The following RBM26 variants were observed in gnomAD, a reference collection of about 807,000 sequenced individuals.
RBM26 encodes RNA binding motif protein 26, also known as RNA-binding protein 26.
Under a neutral mutation model 123.6 loss-of-function variants are expected in RBM26, and 30 were observed. That is an observed-to-expected ratio of 0.24 (90% CI 0.18 to 0.33). The LOEUF is 0.33. RBM26 is among the 10% of genes least tolerant of loss of function. The pLI, the probability that RBM26 is intolerant of heterozygous loss-of-function variation, is 1.00. For synonymous variants in RBM26, 400 were observed against 404.4 expected (o/e 0.99, Z 0.13); for missense variants, 947 against 1,203.6 (o/e 0.79, Z 3.15).
intron 15 of RBM26, 81 bp downstream of exon 15, chr13:79,344,588 C>T: frequency 1.6e-6 from 2 of 1,245,936 alleles, no homozygotes; most frequent in South Asian, 2.7e-5. Context: ...TCTTATTTTG[C>T]AATAAGCACT....
chr13:79,380,694 C>T (rs2077007662), intron 1 of RBM26, among the ~76,000 whole-genome samples: 1 of 152,004 alleles, frequency 6.6e-6, no homozygotes, highest in South Asian at 2.1e-4. Context: ...ACTGTAGTTA[C>T]CCTACAGTGT....
chr13:79,345,657 A>T lies in RBM26; in HGVS notation c.2059-863T>A, dbSNP rs553558144. Among the ~76,000 whole-genome samples the T allele has an allele frequency of 3.9e-5, 6 of 152,232 alleles. No homozygotes were observed. The East Asian group carries it at 1.2e-3, about 29-fold the overall frequency. ...CTATAAAATAAAGAAGATGAACATG[A>T]TGGTGTCTAAAGTCCTTACAAACCC... On this transcript the variant is annotated intron_variant, in intron 14 of 21. Coordinates refer to ENST00000438737, the MANE Select transcript of RBM26 (RefSeq NM_001366735.2).
At chr13:79,365,099 C>T (rs1035078197) in intron 9 of RBM26, among the ~76,000 whole-genome samples, 1 of 151,908 alleles carries the variant, frequency 6.6e-6, no homozygotes, top group Admixed American at 6.6e-5. Flanking sequence ...TACAGAATTA[C>T]ACAGTATATT....
At chr13:79,391,616 G>C (rs1365738689) in intron 1 of RBM26, among the ~76,000 whole-genome samples, 1 of 151,916 alleles carries the variant, frequency 6.6e-6, no homozygotes, top group Non-Finnish European at 1.5e-5. Flanking sequence ...TAGAGACATG[G>C]TTTCACCATG....
At chr13:79,373,391 A>G (rs1275929933) in intron 3 of RBM26, among the ~76,000 whole-genome samples, 2 of 90,770 alleles carry the variant, frequency 2.2e-5, no homozygotes, top group African/African-American at 9.0e-5. Flanking sequence ...ATATAAATAT[A>G]TATAATATAT....
In RBM26 at chr13:79,334,408, C is replaced by T. The variant is rs1423266771; in HGVS notation, c.2756G>A (p.Cys919Tyr). 2 of 1,563,420 alleles carry T rather than the reference C, an allele frequency of 1.3e-6. No individual in the cohort carries two copies. The highest frequency in any genetic ancestry group is 1.7e-6 in the Non-Finnish European group (2 of 1,152,284). Residue 919 changes from cysteine (C) to tyrosine (Y), a missense_variant, in exon 20 of 22, where the codon TGT (cysteine) becomes TAT (tyrosine). Cys to Tyr is a radical substitution (Grantham distance 194). Around this residue, in one of 5 missense-constraint regions of RBM26, gnomAD observed 164 missense variants for 215.3 expected, o/e 0.76. Coordinates refer to ENST00000438737, the MANE Select transcript of RBM26 (RefSeq NM_001366735.2). ...HFAQYGEIED[C>Y]QIDDSSLHAV... Reference sequence around the variant, plus strand: ...ATGAAGTGAGGAATCATCAATCTGACAATCTTCAATTTCACCATATTGCTT... The same window carrying T: ...ATGAAGTGAGGAATCATCAATCTGATAATCTTCAATTTCACCATATTGCTT...
chr13:79,318,826 T>G, downstream of RBM26: 1 of 982,184 alleles, frequency 1.0e-6, no homozygotes. Context: ...AATACCTGTT[T>G]GGTGTAAAGA....
intron 1 of RBM26, among the ~76,000 whole-genome samples, chr13:79,381,711 T>C (rs758760253): frequency 8.5e-5 from 13 of 152,064 alleles, no homozygotes; most frequent in Admixed American, 2.0e-4. Flanking sequence ...TTTATAATTA[T>C]TATGGTCTAT....
chr13:79,386,591 T>TACAAAAAA (rs2077507345), intron 1 of RBM26, among the ~76,000 whole-genome samples: 1 of 92,832 alleles, frequency 1.1e-5, no homozygotes, highest in Non-Finnish European at 1.9e-5. Context: ...ACTCTCTCTT[T>TACAAAAAA]AAAAAAAAAA....
At position 79,355,206 on chromosome 13, in the gene RBM26, A is replaced by G. The variant is rs770488094; in HGVS notation, c.1854+14T>C. ...TAAGAAATGCGCGTACTTTTACACA[A>G]ATTCCTCTCTTACCTTTGGAGAAGT... On this transcript the variant is annotated intron_variant, in intron 12 of 21. Coordinates refer to ENST00000438737, the MANE Select transcript of RBM26 (RefSeq NM_001366735.2). The G allele has an allele frequency of 1.2e-6, 2 of 1,611,784 alleles. No individual in the cohort carries two copies. Among genetic ancestry groups the G allele is most frequent in the African/African-American group, 2.7e-5 (2 of 74,806 alleles).
intron 20 of RBM26, among the ~76,000 whole-genome samples, chr13:79,332,844 C>A (rs966919889): frequency 2.0e-5 from 3 of 152,044 alleles, no homozygotes; most frequent in South Asian, 2.1e-4. Context: ...TTTCCGCGAG[C>A]AAAATTTCCA....
In RBM26 at chr13:79,330,715, CATAT is replaced by C. The variant is rs1593988818; in HGVS notation, c.2820+3625_2820+3628del. On this transcript the variant is annotated intron_variant, in intron 20 of 21. Transcript: ENST00000438737. ...AAAGCACGAGTTATGAACACAAATA[CATAT>C]AATTATATAATATATATGACCACAC... Among the ~76,000 whole-genome samples, 7 of 152,182 alleles carry C rather than the reference CATAT, an allele frequency of 4.6e-5. No homozygotes were observed. In the East Asian group the frequency reaches 1.4e-3, roughly 29 times the overall value.
At chr13:79,353,542 C>A (rs960064478) in intron 13 of RBM26, among the ~76,000 whole-genome samples, 4 of 152,160 alleles carry the variant, frequency 2.6e-5, no homozygotes, top group Non-Finnish European at 4.4e-5. Flanking sequence ...TATATGCCCA[C>A]TTACTGAGCT....
intron 14 of RBM26, among the ~76,000 whole-genome samples, chr13:79,346,435 G>C (rs2072340225): frequency 6.6e-6 from 1 of 152,050 alleles, no homozygotes; most frequent in African/African-American, 2.4e-5. Flanking sequence ...CTGGAGCATA[G>C]TGGCCCAGAT....
chr13:79,334,795 T>A (rs1413789108), intron 19 of RBM26, among the ~76,000 whole-genome samples: 1 of 152,058 alleles, frequency 6.6e-6, no homozygotes, highest in Non-Finnish European at 1.5e-5. Flanking sequence ...ACATACTGAA[T>A]CCTCAGAATT....
At chr13:79,331,416 C>G (rs546548111) in intron 20 of RBM26, among the ~76,000 whole-genome samples, 22 of 147,074 alleles carry the variant, frequency 1.5e-4, no homozygotes, top group African/African-American at 4.5e-4. Context: ...GTCAGGAGAT[C>G]GAGACCATCC....
intron 9 of RBM26, among the ~76,000 whole-genome samples, chr13:79,362,699 T>C (rs1359672328): frequency 1.3e-5 from 2 of 152,194 alleles, no homozygotes; most frequent in East Asian, 3.8e-4. Context: ...CTGTGACCTA[T>C]CCAACATCTT....
chr13:79,390,177 T>G (rs930410905), intron 1 of RBM26, among the ~76,000 whole-genome samples: 1 of 152,174 alleles, frequency 6.6e-6, no homozygotes, highest in Non-Finnish European at 1.5e-5. Flanking sequence ...TTTTAATTAG[T>G]AAGACTTAAG....
Position 79,354,520 on chromosome 13 carries a change from T to A in RBM26, c.1905A>T (p.Ser635=), listed in dbSNP as rs988255496. The A allele has an allele frequency of 1.2e-6, 2 of 1,609,124 alleles. No individual in the cohort carries two copies. Among genetic ancestry groups the A allele is most frequent in the African/African-American group, 1.3e-5 (1 of 74,874 alleles). The part of the protein sequence containing the change: ...QQPILPVVKQ[S]VKERLGPVPS... ...GTACTGGACCCAGCCGCTCTTTGACTGACTGCTTCACAACAGGCAAAATGG... is the reference window on the plus strand; with the variant it reads ...GTACTGGACCCAGCCGCTCTTTGACAGACTGCTTCACAACAGGCAAAATGG... The change falls in exon 13 of 22, where the codon TCA becomes TCT. Residue 635 remains serine (S), a synonymous_variant. Transcript: ENST00000438737.
Sources: gnomAD v4.1 joint callset for allele counts (sites outside exome capture counted in the v4.1 genomes callset) on GRCh38, gnomAD v4.1.1 for gene constraint, gnomAD v4.1.1 regional missense constraint, MANE v1.5 for transcripts, NCBI Gene and HGNC (gene_info 2026-07-23, HGNC 2026-07-21) for gene names.